The following MECR variants were observed in gnomAD, a reference collection of about 807,000 sequenced individuals.
MECR encodes the protein enoyl-[acyl-carrier-protein] reductase, mitochondrial.
MECR carries 37 observed loss-of-function variants against 49.1 expected under a neutral mutation model. The ratio of observed to expected loss-of-function variants is 0.75; its 90% confidence interval spans 0.58 to 0.99. The LOEUF (loss-of-function observed/expected upper bound fraction) is 0.99. Among genes scored for constraint, MECR ranks in the 50% least tolerant of loss-of-function variants. The pLI, the probability that MECR is intolerant of heterozygous loss-of-function variation, is 0.00. For missense variants in MECR, 470 were observed against 479.6 expected (o/e 0.98, Z 0.19); for synonymous variants, 198 against 191.1 (o/e 1.04, Z -0.30).
intron 1 of MECR, among the ~76,000 whole-genome samples, chr1:29,226,936 C>T (rs1209061474): frequency 2.0e-5 from 3 of 146,656 alleles, no homozygotes; most frequent in Non-Finnish European, 4.5e-5. Context: ...AAGAACTAAG[C>T]GTTTCTGGGA....
chr1:29,193,786 G>A lies in MECR; in HGVS notation c.*236C>T. The A allele has an allele frequency of 3.8e-6, 2 of 531,766 alleles. No individual in the cohort carries two copies. Among genetic ancestry groups the A allele is most frequent in the Non-Finnish European group, 6.8e-6 (2 of 295,940 alleles). 32.9% of individuals were successfully genotyped at this position (531,766 alleles called of 1,614,324 possible). A position where few individuals can be genotyped will look rare whatever the true frequency, so the allele number is the denominator to read the frequency against. On this transcript the variant is annotated 3_prime_UTR_variant, in exon 10 of 10. Coordinates refer to ENST00000263702, the MANE Select transcript of MECR (RefSeq NM_016011.5). ...TGCTGTGAGCTGACCAGTGCACAGT[G>A]TTGGTCCTTCTCGACAGGGATGACT...
At chr1:29,226,740 T>C (rs995294679) in intron 1 of MECR, among the ~76,000 whole-genome samples, 5 of 152,096 alleles carry the variant, frequency 3.3e-5, no homozygotes, top group Admixed American at 1.3e-4. Flanking sequence ...TTTCCTTATC[T>C]GTAAAGTGGA....
chr1:29,209,759 G>A (rs567503922), intron 3 of MECR, among the ~76,000 whole-genome samples: 10 of 152,182 alleles, frequency 6.6e-5, no homozygotes, highest in Non-Finnish European at 4.4e-5. Flanking sequence ...GTCACCTTAG[G>A]GAAATTGCTT....
At chr1:29,200,874 AC>A in intron 6 of MECR, among the ~76,000 whole-genome samples, 1 of 151,648 alleles carries the variant, frequency 6.6e-6, no homozygotes, top group East Asian at 1.9e-4. Flanking sequence ...CTGCTACCTT[AC>A]CCTCCTGGGC....
intron 3 of MECR, among the ~76,000 whole-genome samples, chr1:29,209,274 T>A (rs919618987): frequency 5.9e-5 from 9 of 152,230 alleles, no homozygotes; most frequent in African/African-American, 2.2e-4. Flanking sequence ...ACTTTAATTT[T>A]AAAAAGTGCT....
chr1:29,207,749 CA>C (rs1054987249), intron 3 of MECR, among the ~76,000 whole-genome samples: 8 of 151,842 alleles, frequency 5.3e-5, no homozygotes, highest in Admixed American at 1.3e-4. Context: ...CAAAAAAACC[CA>C]AAAAACAAAA....
intron 7 of MECR, among the ~76,000 whole-genome samples, chr1:29,198,325 A>G (rs1276249341): frequency 1.3e-5 from 2 of 152,180 alleles, no homozygotes; most frequent in African/African-American, 4.8e-5. Flanking sequence ...TATAACCCCC[A>G]TTTTACAGAT....
chr1:29,226,675 G>C (rs1415519412), intron 1 of MECR, among the ~76,000 whole-genome samples: 1 of 151,948 alleles, frequency 6.6e-6, no homozygotes. Context: ...ATAAAGAAGG[G>C]GCATCCTAGC....
rs550930110 is a variant in MECR at position 29,201,897 on chromosome 1, G to A, written c.756+46C>T. On this transcript the variant is annotated intron_variant, in intron 6 of 9. Transcript: ENST00000263702. The surrounding 1 kb of genome is among the most constrained non-coding windows in gnomAD (Gnocchi z 4.3). ...TCTAATGCATGTCAACTTTCTTCAG[G>A]GAGATGTGCGTGGACTGGAGGGGCA... is the stretch of plus-strand genomic sequence containing the variant. The A allele has an allele frequency of 1.1e-5, 16 of 1,452,248 alleles. No individual in the cohort carries two copies. In the East Asian group the frequency reaches 3.6e-4, roughly 33 times the overall value. 90.0% of individuals were successfully genotyped at this position (1,452,248 alleles called of 1,614,324 possible).
intron 3 of MECR, among the ~76,000 whole-genome samples, chr1:29,207,492 G>A (rs1338575018): frequency 6.6e-6 from 1 of 151,548 alleles, no homozygotes; most frequent in Admixed American, 6.6e-5. Flanking sequence ...TATAATCTCA[G>A]CACTTTGGGA....
intron 1 of MECR, among the ~76,000 whole-genome samples, chr1:29,228,373 G>A (rs1302520408): frequency 1.4e-5 from 2 of 141,422 alleles, no homozygotes; most frequent in Non-Finnish European, 3.0e-5. Context: ...TTTTTTTTGA[G>A]AGGAAGTCTT....
rs1344922206 is a variant in MECR, at chr1:29,195,948, G to A, written c.957C>T (p.His319=). 1.9e-6 allele frequency: 3 copies of A among 1,614,220 alleles called. No individual in the cohort carries two copies. The highest frequency in any genetic ancestry group is 1.7e-5 in the Admixed American group (1 of 60,024). Residue 319 remains histidine (H), a synonymous_variant, in exon 9 of 10, where the codon CAC becomes CAT. Transcript: ENST00000263702. Reference sequence around the variant, plus strand: ...ACTGGGCCATGCACTCACCTGGACTGTGATCCTTCTTCCACTGGGACAACC... The same window carrying A: ...ACTGGGCCATGCACTCACCTGGACTATGATCCTTCTTCCACTGGGACAACC... The part of the protein sequence containing the change: ...GFWLSQWKKD[H]SPDQFKELIL...
chr1:29,177,719 C>G, the MECR span, among the ~76,000 whole-genome samples: 1 of 152,174 alleles, frequency 6.6e-6, no homozygotes, highest in African/African-American at 2.4e-5. Context: ...TTCTCTAGAA[C>G]AGTGGCAATC....
chr1:29,173,206 C>G, the MECR span: 1 of 134,288 alleles, frequency 7.4e-6, no homozygotes, highest in Admixed American at 8.4e-5. Context: ...GGTGCGATCT[C>G]GGCTCACTGC....
chr1:29,200,969 T>C (rs78793000), intron 6 of MECR, among the ~76,000 whole-genome samples: 2 of 151,974 alleles, frequency 1.3e-5, no homozygotes, highest in Non-Finnish European at 2.9e-5. Flanking sequence ...AAAAAAAATG[T>C]TTTTTTGTAG....
chr1:29,216,013 G>T lies in MECR; in HGVS notation c.398C>A (p.Ala133Asp), dbSNP rs1156499822. Residue 133 changes from alanine (A) to aspartate (D), a missense_variant, in exon 3 of 10, where the codon GCT (alanine) becomes GAT (aspartate). Coordinates refer to ENST00000263702, the MANE Select transcript of MECR (RefSeq NM_016011.5). ...KPGDWVIPAN[A>D]GLGTWRTEAV... ...CACCTGGAGAAACTCACCTAAACCA[G>T]CATTTGCTGGAATCACCCAGTCTCC... 1.2e-6 allele frequency: 2 copies of T among 1,614,068 alleles called. No homozygotes were observed. Among genetic ancestry groups the T allele is most frequent in the Non-Finnish European group, 1.7e-6 (2 of 1,179,954 alleles).
At chr1:29,180,675 A>G in the MECR span, among the ~76,000 whole-genome samples, 1 of 152,138 alleles carries the variant, frequency 6.6e-6, no homozygotes, top group African/African-American at 2.4e-5. Context: ...CAGTCCTTTT[A>G]ATTTTATATC....
chr1:29,213,542 G>A (rs1008635280), intron 3 of MECR, among the ~76,000 whole-genome samples: 17 of 152,224 alleles, frequency 1.1e-4, no homozygotes, highest in African/African-American at 4.1e-4. Flanking sequence ...GCCCTACCCC[G>A]CCCCAGGGGA....
At chr1:29,180,228 T>C in the MECR span, among the ~76,000 whole-genome samples, 1 of 152,198 alleles carries the variant, frequency 6.6e-6, no homozygotes, top group Non-Finnish European at 1.5e-5. Context: ...TTAGTTATGC[T>C]GTCAATTTAG....
Sources: gnomAD v4.1 joint callset for allele counts (sites outside exome capture counted in the v4.1 genomes callset) on GRCh38, gnomAD v4.1.1 for gene constraint, Gnocchi (gnomAD v3.1) non-coding constraint, MANE v1.5 for transcripts, NCBI Gene and HGNC (gene_info 2026-07-23, HGNC 2026-07-21) for gene names.